The following EPS15 variants were observed in gnomAD, a reference collection of about 807,000 sequenced individuals.
EPS15 encodes the protein epidermal growth factor receptor pathway substrate 15.
Under a neutral mutation model 113.8 loss-of-function variants are expected in EPS15, and 72 were observed. The observed-to-expected ratio is 0.63, with a 90% CI of 0.52 to 0.77. The LOEUF is 0.77. Ranked by LOEUF, EPS15 falls within the 30% of genes least tolerant of loss-of-function variation. The pLI is 0.00. For synonymous variants in EPS15, 344 were observed against 363.4 expected (o/e 0.95, Z 0.61); for missense variants, 1,048 against 1,045.8 (o/e 1.00, Z -0.03).
chr1:51,464,645 A>G (rs1032916540), intron 6 of EPS15, among the ~76,000 whole-genome samples: 3 of 152,222 alleles, frequency 2.0e-5, no homozygotes, highest in Non-Finnish European at 4.4e-5. Flanking sequence ...TAAATTTTTA[A>G]AAGTTATTAG....
chr1:51,394,433 C>T lies in EPS15; in HGVS notation c.2067G>A (p.Lys689=), dbSNP rs752014068. The T allele has an allele frequency of 6.2e-7, 1 of 1,602,240 alleles. No homozygotes were observed. The highest frequency in any genetic ancestry group is 1.3e-5 in the African/African-American group (1 of 74,890). ...CACCAGGAGCAAAAGGATCATTGTG[C>T]TTCAACGTTTCTACCTAAACAAAGC... ...NSSITSVETL[K]HNDPFAPGGT... is the part of the protein sequence containing the mutation. Residue 689 remains lysine, a synonymous_variant, in exon 21 of 25, where the codon AAG becomes AAA. Transcript: ENST00000371733.
chr1:51,389,568 C>T (rs1347691370), intron 21 of EPS15, among the ~76,000 whole-genome samples: 1 of 152,206 alleles, frequency 6.6e-6, no homozygotes, highest in African/African-American at 2.4e-5. Context: ...ATCTAGAAAA[C>T]CCCACTGTCT....
chr1:51,366,940 A>G (rs1450787600), intron 21 of EPS15, among the ~76,000 whole-genome samples: 1 of 152,236 alleles, frequency 6.6e-6, no homozygotes, highest in Non-Finnish European at 1.5e-5. Context: ...AAGAATGGAC[A>G]GTCAACAAAC....
intron 2 of EPS15, among the ~76,000 whole-genome samples, chr1:51,476,749 G>A (rs1485813493): frequency 6.6e-6 from 1 of 152,008 alleles, no homozygotes; most frequent in Non-Finnish European, 1.5e-5. Context: ...TTATATGCTG[G>A]ATTATGTTTA....
intron 1 of EPS15, among the ~76,000 whole-genome samples, chr1:51,518,950 G>A (rs1473219060): frequency 6.6e-6 from 1 of 151,300 alleles, no homozygotes; most frequent in Admixed American, 6.6e-5. Context: ...AGGGCGGCGA[G>A]GGCCGCGCGG....
At chr1:51,510,692 T>C (rs1353025807) in intron 1 of EPS15, among the ~76,000 whole-genome samples, 2 of 152,178 alleles carry the variant, frequency 1.3e-5, no homozygotes, top group African/African-American at 4.8e-5. Context: ...AAATCACACA[T>C]AAAATTAAGT....
intron 17 of EPS15, among the ~76,000 whole-genome samples, 169 bp downstream of exon 17, chr1:51,403,250 G>C (rs749859526): frequency 6.6e-6 from 1 of 152,152 alleles, no homozygotes; most frequent in Non-Finnish European, 1.5e-5. Context: ...AGGGGCACAA[G>C]TGGAATTTTG....
chr1:51,394,360 G>A (rs1647694429), intron 21 of EPS15, 21 bp downstream of exon 21: 1 of 1,518,078 alleles, frequency 6.6e-7, no homozygotes, highest in South Asian at 1.2e-5. Flanking sequence ...GTTCAATGAA[G>A]TTGATAAATT....
At chr1:51,501,252 C>CA (rs1644408146) in intron 1 of EPS15, among the ~76,000 whole-genome samples, 1 of 149,652 alleles carries the variant, frequency 6.7e-6, no homozygotes, top group Non-Finnish European at 1.5e-5. Context: ...ACTAAAAATA[C>CA]AAAAAATTAG....
At chr1:51,498,325 T>C (rs1218024890) in intron 1 of EPS15, among the ~76,000 whole-genome samples, 1 of 152,226 alleles carries the variant, frequency 6.6e-6, no homozygotes, top group Non-Finnish European at 1.5e-5. Context: ...CATCACCAGT[T>C]GGTCCCCAAT....
intron 1 of EPS15, among the ~76,000 whole-genome samples, chr1:51,484,940 T>C (rs1247885157): frequency 6.6e-6 from 1 of 152,252 alleles, no homozygotes; most frequent in Non-Finnish European, 1.5e-5. Flanking sequence ...ATTTATTGTA[T>C]TGTACAAGTC....
At chr1:51,437,645 T>C (rs1026144919) in intron 12 of EPS15, among the ~76,000 whole-genome samples, 21 of 151,718 alleles carry the variant, frequency 1.4e-4, no homozygotes, top group African/African-American at 5.1e-4. Flanking sequence ...ACCACGCCTG[T>C]CTAATTTTTG....
intron 2 of EPS15, among the ~76,000 whole-genome samples, chr1:51,476,388 C>T (rs918931114): frequency 3.3e-5 from 5 of 152,038 alleles, no homozygotes; most frequent in Non-Finnish European, 7.4e-5. Context: ...TGAGCAGTGG[C>T]TTATACTTCT....
chr1:51,447,066 T>A lies in EPS15; in HGVS notation c.691A>T (p.Ile231Phe). 1 of 1,613,630 alleles carries A rather than the reference T, an allele frequency of 6.2e-7. No individual in the cohort carries two copies. Among genetic ancestry groups the A allele is most frequent in the Non-Finnish European group, 8.5e-7 (1 of 1,179,786 alleles). Residue 231 changes from isoleucine to phenylalanine, a missense_variant, in exon 10 of 25, where the codon ATC becomes TTC. Physicochemically the swap from Ile to Phe is conservative, Grantham distance 21. Transcript: ENST00000371733. ...ATATCTTTATCAGTTTTCAGGAAGA[T>A]TTCATCATATTTAGCTTTTTCTGCA... ...SPAEKAKYDE[I>F]FLKTDKDMDG...
At chr1:51,435,951 C>T (rs1429195675) in intron 12 of EPS15, among the ~76,000 whole-genome samples, 1 of 152,102 alleles carries the variant, frequency 6.6e-6, no homozygotes, top group East Asian at 1.9e-4. Context: ...CAAAGGCGAA[C>T]AGTAGGATCA....
At chr1:51,382,728 T>C (rs1646970816) in intron 21 of EPS15, among the ~76,000 whole-genome samples, 1 of 152,060 alleles carries the variant, frequency 6.6e-6, no homozygotes, top group South Asian at 2.1e-4. Context: ...CACCATTATT[T>C]TTAAAATTAA....
intron 21 of EPS15, among the ~76,000 whole-genome samples, chr1:51,385,594 T>G (rs923940060): frequency 1.3e-5 from 2 of 152,200 alleles, no homozygotes; most frequent in African/African-American, 2.4e-5. Flanking sequence ...GACTCAGATA[T>G]CTGTACCCTC....
intron 13 of EPS15, among the ~76,000 whole-genome samples, chr1:51,414,538 G>A (rs957760001): frequency 3.9e-5 from 6 of 152,050 alleles, no homozygotes; most frequent in Admixed American, 1.3e-4. Flanking sequence ...ATCCTAGAGG[G>A]AAAAAAGTTT....
chr1:51,359,103 A>G (rs956745928), intron 24 of EPS15, among the ~76,000 whole-genome samples: 3 of 152,272 alleles, frequency 2.0e-5, no homozygotes, highest in Admixed American at 2.0e-4. Flanking sequence ...CCTTCTAAAA[A>G]GGCCAATTTT....
Sources: allele counts gnomAD v4.1 joint callset (sites outside exome capture counted in the v4.1 genomes callset), GRCh38; gene constraint gnomAD v4.1.1; transcripts MANE v1.5; gene names NCBI Gene and HGNC (gene_info 2026-07-23, HGNC 2026-07-21).